Variants in QRFPR observed in about 807,000 individuals in gnomAD.
The protein encoded by QRFPR is pyroglutamylated RFamide peptide receptor, also known as pyroglutamylated RF-amide peptide receptor.
QRFPR carries 37 observed loss-of-function variants against 31.3 expected under a neutral mutation model. That is an observed-to-expected ratio of 1.18 (90% CI 0.91 to 1.56). The LOEUF (loss-of-function observed/expected upper bound fraction) is 1.56, where lower values mean the gene tolerates loss of function less well. Ranked by LOEUF, QRFPR falls within the 40% of genes most tolerant of loss-of-function variation. The pLI, the probability that QRFPR is intolerant of heterozygous loss-of-function variation, is 0.00. For missense variants in QRFPR, 542 were observed against 532.5 expected (o/e 1.02, Z -0.18); for synonymous variants, 197 against 192.0 (o/e 1.03, Z -0.22).
At chr4:121,334,599 T>C (rs990695111) in intron 3 of QRFPR, 4 of 374,352 alleles carry the variant, frequency 1.1e-5, no homozygotes, top group Non-Finnish European at 2.1e-5. Context: ...CTCTTAAATA[T>C]ATTTCTATTC....
At chr4:121,334,720 G>A (rs950626) in intron 3 of QRFPR, 10,343 of 275,692 alleles carry the variant, frequency 0.038, 282 homozygotes, top group Non-Finnish European at 0.057. Context: ...TAACCGTCTC[G>A]TTGCTTCTAT....
At chr4:121,361,715 A>G (rs1725996173) in intron 1 of QRFPR, among the ~76,000 whole-genome samples, 1 of 150,322 alleles carries the variant, frequency 6.7e-6, no homozygotes, top group Admixed American at 6.6e-5. Context: ...AAAGTTCACA[A>G]TAGATTGAAG....
intron 3 of QRFPR, among the ~76,000 whole-genome samples, chr4:121,334,044 T>G (rs1184987101): frequency 1.3e-5 from 2 of 152,178 alleles, no homozygotes; most frequent in Non-Finnish European, 2.9e-5. Flanking sequence ...TAACACTCAC[T>G]GAAAAATAAT....
At chr4:121,355,494 C>T (rs2102647) in intron 1 of QRFPR, among the ~76,000 whole-genome samples, 23,764 of 151,916 alleles carry the variant, frequency 0.16, 2,749 homozygotes, top group East Asian at 0.53. Context: ...CTTTGTTTAT[C>T]TGTTCAAGAA....
intron 1 of QRFPR, among the ~76,000 whole-genome samples, chr4:121,359,657 G>GTA (rs368381339): frequency 1.7e-3 from 260 of 150,490 alleles, no homozygotes; most frequent in African/African-American, 5.6e-3. Flanking sequence ...ATATATATGT[G>GTA]TATATATATA....
chr4:121,365,674 T>A (rs71629501), intron 1 of QRFPR, among the ~76,000 whole-genome samples: 14,908 of 29,592 alleles, frequency 0.5, 3,935 homozygotes, highest in Non-Finnish European at 0.58. Flanking sequence ...TTTTATATAT[T>A]ATATATATAT....
chr4:121,336,681 C>T, intron 3 of QRFPR, 126 bp downstream of exon 3: 3 of 771,832 alleles, frequency 3.9e-6, no homozygotes, highest in Non-Finnish European at 7.1e-6. Context: ...CTTAAAAGAC[C>T]TCCAGTGGAA....
chr4:121,343,059 G>C (rs1725574264), intron 1 of QRFPR, among the ~76,000 whole-genome samples: 1 of 152,154 alleles, frequency 6.6e-6, no homozygotes, highest in Non-Finnish European at 1.5e-5. Flanking sequence ...AACGCCCATG[G>C]ACCATGGCCA....
intron 1 of QRFPR, chr4:121,369,964 C>T: frequency 1.3e-6 from 1 of 764,974 alleles, no homozygotes; most frequent in Non-Finnish European, 2.4e-6. Flanking sequence ...GCCAGGATCT[C>T]TCAGCCCTGC....
At chr4:121,332,678 T>TA (rs1454870160) in intron 4 of QRFPR, 143 bp downstream of exon 4, 4 of 649,814 alleles carry the variant, frequency 6.2e-6, no homozygotes, top group African/African-American at 1.8e-5. Context: ...TTCAAGAGTT[T>TA]AAAATCAGTC....
At chr4:121,358,368 A>G (rs1725908899) in intron 1 of QRFPR, among the ~76,000 whole-genome samples, 1 of 152,170 alleles carries the variant, frequency 6.6e-6, no homozygotes, top group African/African-American at 2.4e-5. Context: ...AAAACTACCA[A>G]CACAATATCA....
chr4:121,380,435 G>T lies in QRFPR; in HGVS notation c.213C>A (p.Thr71=), dbSNP rs1440128967. 1.9e-6 allele frequency: 3 copies of T among 1,614,206 alleles called. No homozygotes were observed. The highest frequency in any genetic ancestry group is 2.5e-6 in the Non-Finnish European group (3 of 1,180,022). ...FGNALVFYVV[T]RSKAMRTVTN... The stretch of plus-strand genomic sequence containing the variant: ...TGACGGTGCGCATGGCCTTGCTGCG[G>T]GTCACCACGTAGAACACCAGAGCAT... Residue 71 remains threonine, a synonymous_variant, in exon 1 of 6, where the codon ACC becomes ACA. Transcript: ENST00000394427.
At chr4:121,365,579 T>TA (rs1255502480) in intron 1 of QRFPR, among the ~76,000 whole-genome samples, 71 of 1,080 alleles carry the variant, frequency 0.066, 5 homozygotes, top group African/African-American at 0.16. Context: ...ATATAATATA[T>TA]ATTATATATA....
At chr4:121,338,379 AC>A (rs1725472751) in intron 2 of QRFPR, among the ~76,000 whole-genome samples, 1 of 152,228 alleles carries the variant, frequency 6.6e-6, no homozygotes, top group Non-Finnish European at 1.5e-5. Flanking sequence ...TGACACAGTG[AC>A]CACATCTGGG....
intron 1 of QRFPR, 112 bp downstream of exon 1, chr4:121,380,196 A>AGAGAGG: frequency 8.3e-6 from 1 of 120,308 alleles, no homozygotes; most frequent in Non-Finnish European, 1.5e-5. Flanking sequence ...GGAGAGAGAG[A>AGAGAGG]GAGAGAGAGA....
chr4:121,340,538 C>A lies in QRFPR; in HGVS notation c.413G>T (p.Cys138Phe), dbSNP rs1236475889. Residue 138 changes from cysteine to phenylalanine, a missense_variant, in exon 2 of 6, where the codon TGC (cysteine) becomes TTC (phenylalanine). Physicochemically the swap from Cys to Phe is radical, Grantham distance 205. Transcript: ENST00000394427. ...TCCCTGGTGCCTTTCCACAGCAATGCAGGTCATAGTGAGGATTTCTGTCAC... is the reference window on the plus strand; with the variant it reads ...TCCCTGGTGCCTTTCCACAGCAATGAAGGTCATAGTGAGGATTTCTGTCAC... ...AVVTEILTMTCIAVERHQGLV... is the reference protein window; with the variant it reads ...AVVTEILTMTFIAVERHQGLV... 4 of 1,613,936 alleles carry A rather than the reference C, an allele frequency of 2.5e-6. No homozygotes were observed. In the African/African-American group the frequency reaches 4.0e-5, roughly 16 times the overall value.
chr4:121,346,385 G>A (rs1388162407), intron 1 of QRFPR, among the ~76,000 whole-genome samples: 2 of 152,092 alleles, frequency 1.3e-5, no homozygotes, highest in Non-Finnish European at 2.9e-5. Flanking sequence ...ACGTGATTGT[G>A]TCTTTATCTT....
intron 1 of QRFPR, among the ~76,000 whole-genome samples, chr4:121,365,669 TATATTA>T (rs1726123323): frequency 7.8e-5 from 4 of 51,598 alleles, no homozygotes; most frequent in East Asian, 9.4e-4. Context: ...ATATATTTTA[TATATTA>T]TATATATATA....
chr4:121,370,526 C>G (rs1214061789), intron 1 of QRFPR, among the ~76,000 whole-genome samples: 1 of 152,238 alleles, frequency 6.6e-6, no homozygotes, highest in Non-Finnish European at 1.5e-5. Flanking sequence ...CGCGGGACTG[C>G]CTGTGGCCGG....
Sources: allele counts gnomAD v4.1 joint callset (sites outside exome capture counted in the v4.1 genomes callset), GRCh38; gene constraint gnomAD v4.1.1; transcripts MANE v1.5; gene names NCBI Gene and HGNC (gene_info 2026-07-23, HGNC 2026-07-21).